TMPRSS13: variants seen among roughly 807,000 people sequenced by gnomAD.
TMPRSS13 encodes transmembrane serine protease 13, also known as transmembrane protease serine 13.
TMPRSS13 carries 50 observed loss-of-function variants against 68.4 expected under a neutral mutation model. The observed-to-expected ratio is 0.73, with a 90% CI of 0.58 to 0.93. The LOEUF (loss-of-function observed/expected upper bound fraction) is 0.93. Ranked by LOEUF, TMPRSS13 falls within the 40% of genes least tolerant of loss-of-function variation. The pLI is 0.00. For synonymous variants in TMPRSS13, 267 were observed against 285.8 expected, an observed-to-expected ratio of 0.93 and a Z score of 0.66; for missense variants, 615 against 729.2, an observed-to-expected ratio of 0.84 and a Z score of 1.80.
In TMPRSS13 at chr11:117,901,976, T is replaced by C. The variant is rs577901966; in HGVS notation, c.*263A>G. 1,360 of 562,442 alleles carry C rather than the reference T, an allele frequency of 2.4e-3. 21 individuals carry two copies. Among genetic ancestry groups the C allele is most frequent in the African/African-American group, 0.023 (1,229 of 52,612 alleles). 34.8% of individuals were successfully genotyped at this position (562,442 alleles called of 1,614,324 possible). On this transcript the variant is annotated 3_prime_UTR_variant, in exon 13 of 13. Coordinates refer to ENST00000524993, the MANE Select transcript of TMPRSS13 (RefSeq NM_001077263.3). ...TGTAGGAACATCCACGGTACTCAAC[T>C]CTTGTCTCCAGGTAATTTCCAGCCT...
intron 1 of TMPRSS13, among the ~76,000 whole-genome samples, chr11:117,921,398 C>A (rs61290389): frequency 0.024 from 3,584 of 152,310 alleles, 127 homozygotes; most frequent in African/African-American, 0.08. Context: ...CCACCTCACC[C>A]CCTGAATGAG....
intron 1 of TMPRSS13, among the ~76,000 whole-genome samples, chr11:117,925,977 C>T (rs2057701581): frequency 6.6e-6 from 1 of 152,242 alleles, no homozygotes; most frequent in Admixed American, 6.5e-5. Context: ...AAACAGAGGA[C>T]AAGGTGAGGG....
chr11:117,926,545 A>G (rs1361892694), intron 1 of TMPRSS13, among the ~76,000 whole-genome samples: 1 of 152,206 alleles, frequency 6.6e-6, no homozygotes, highest in Non-Finnish European at 1.5e-5. Flanking sequence ...CCACTCCACA[A>G]AGGAATGTTG....
chr11:117,908,416 A>G (rs1374641999), intron 9 of TMPRSS13, 196 bp downstream of exon 9: 1 of 650,528 alleles, frequency 1.5e-6, no homozygotes, highest in Admixed American at 2.9e-5. Flanking sequence ...GAGCAAACTT[A>G]TTTATAACCC....
chr11:117,904,980 ACCT>A (rs1379340894), intron 10 of TMPRSS13, among the ~76,000 whole-genome samples: 2 of 147,134 alleles, frequency 1.4e-5, no homozygotes, highest in Non-Finnish European at 3.0e-5. Context: ...TGTAGCCTCA[ACCT>A]CCCTGGGATC....
rs538220331 is a variant in TMPRSS13, at chr11:117,908,367, G to C, written c.1282+245C>G. On this transcript the variant is annotated intron_variant, in intron 9 of 12. Transcript: ENST00000524993. ...TGATTAAGATCAGTACCCAAGCCCT[G>C]ACTCCGTCATCAATTTGTAATGTGA... is the stretch of plus-strand genomic sequence containing the variant. 2.1e-5 allele frequency: 13 copies of C among 612,298 alleles called. No homozygotes were observed. The Admixed American group carries it at 3.8e-4, about 18-fold the overall frequency. The allele number at this position is 612,298 out of a possible 1,614,324, so 37.9% of individuals were successfully genotyped here.
At chr11:117,926,234 A>G (rs112480738) in intron 1 of TMPRSS13, among the ~76,000 whole-genome samples, 752 of 102,468 alleles carry the variant, frequency 7.3e-3, no homozygotes, top group African/African-American at 0.027. Flanking sequence ...ACACCTGCAG[A>G]GGCATAGGGC....
chr11:117,914,621 T>C lies in TMPRSS13; in HGVS notation c.557-107A>G, dbSNP rs770498909. Reference sequence around the variant, plus strand: ...CTGAGACACCGACCTGCAATCCCTCTTGAACTCTGGGGCTCTCATCCCCCA... The same window carrying C: ...CTGAGACACCGACCTGCAATCCCTCCTGAACTCTGGGGCTCTCATCCCCCA... On this transcript the variant is annotated intron_variant, in intron 3 of 12. Coordinates refer to ENST00000524993, the MANE Select transcript of TMPRSS13 (RefSeq NM_001077263.3). This position sits in a 1 kb window ranked among gnomAD's most constrained non-coding sequence, Gnocchi z 4.2. 1 of 1,546,596 alleles carries C rather than the reference T, an allele frequency of 6.5e-7. No homozygotes were observed. The highest frequency in any genetic ancestry group is 2.3e-5 in the East Asian group (1 of 44,314).
intron 2 of TMPRSS13, 91 bp downstream of exon 2, chr11:117,918,318 T>C: frequency 7.1e-7 from 1 of 1,398,624 alleles, no homozygotes; most frequent in Non-Finnish European, 9.8e-7. Flanking sequence ...CGTTGTCTGC[T>C]ATGAGAGCAG....
chr11:117,900,751 T>C lies in TMPRSS13; in HGVS notation c.*1488A>G, dbSNP rs1240702059. 3 of 152,276 alleles carry C rather than the reference T, an allele frequency of 2.0e-5. No homozygotes were observed. Among genetic ancestry groups the C allele is most frequent in the Non-Finnish European group, 2.9e-5 (2 of 68,118 alleles). The allele number at this position is 152,276 out of a possible 1,614,324, so 9.4% of individuals were successfully genotyped here. ...ACATTCCCCAGTGTACCCAGCCCCA[T>C]CAGCCCCTGCCCAGCCTCTCCAGCT... is the stretch of plus-strand genomic sequence containing the variant. On this transcript the variant is annotated 3_prime_UTR_variant, in exon 13 of 13. Transcript: ENST00000524993.
chr11:117,925,253 G>A (rs534333250), intron 1 of TMPRSS13, among the ~76,000 whole-genome samples: 2 of 152,300 alleles, frequency 1.3e-5, no homozygotes, highest in Non-Finnish European at 2.9e-5. Flanking sequence ...GAACAAAAGA[G>A]GCAGCTGCTA....
In TMPRSS13 at chr11:117,917,175, A is replaced by T. The variant is rs567684930; in HGVS notation, c.551T>A (p.Ile184Asn). ...GCACCCTCCATTCAACTCACAGAGG[A>T]TGATGAGCGAAACCACCAGGGCAAT... is the stretch of plus-strand genomic sequence containing the variant. Reference protein sequence around the residue: ...LLIALVVSLIILFQFWQGHTG... With the variant: ...LLIALVVSLINLFQFWQGHTG... The change falls in exon 3 of 13, where the codon ATC (isoleucine) becomes AAC (asparagine). Residue 184 changes from isoleucine to asparagine, a missense_variant. Ile to Asn is a moderately radical substitution (Grantham distance 149, BLOSUM62 -3). Transcript: ENST00000524993. 1.1e-4 allele frequency: 174 copies of T among 1,611,534 alleles called. No homozygotes were observed. In the South Asian group the frequency reaches 1.7e-3, roughly 16 times the overall value.
chr11:117,918,694 G>C lies in TMPRSS13; in HGVS notation c.166C>G (p.Pro56Ala). The C allele has an allele frequency of 1.2e-6, 2 of 1,604,584 alleles. No individual in the cohort carries two copies. The highest frequency in any genetic ancestry group is 1.7e-6 in the Non-Finnish European group (2 of 1,175,114). Residue 56 changes from proline (P) to alanine (A), a missense_variant, in exon 2 of 13, where the codon CCA (proline) becomes GCA (alanine). By Grantham distance (27) the Pro-to-Ala change is conservative (BLOSUM62 -1). Coordinates refer to ENST00000524993, the MANE Select transcript of TMPRSS13 (RefSeq NM_001077263.3). ...GTACCAGCTGGAGATGCCTGGGCTG[G>C]AGATGCCCGGCCCGGAGGTGTCCCA... is the stretch of plus-strand genomic sequence containing the variant. Reference protein sequence around the residue: ...PAGTPPGRASPAQASPAGTPP... With the variant: ...PAGTPPGRASAAQASPAGTPP...
rs753851550 is a variant in TMPRSS13, at chr11:117,908,016, T to C, written c.1282+596A>G. 725 of 993,628 alleles carry C rather than the reference T, an allele frequency of 7.3e-4. 1 individual carries two copies. Among genetic ancestry groups the C allele is most frequent in the Non-Finnish European group, 8.1e-4 (680 of 835,770 alleles). The allele number at this position is 993,628 out of a possible 1,614,324, so 61.6% of individuals were successfully genotyped here. A position where few individuals can be genotyped will look rare whatever the true frequency, so the allele number is the denominator to read the frequency against. ...CCTTTGGTCCTTAGCAACAACGTTG[T>C]AGCAATTAGTTGTTTGAATGTGTAC... On this transcript the variant is annotated intron_variant, in intron 9 of 12. Transcript: ENST00000524993.
intron 1 of TMPRSS13, among the ~76,000 whole-genome samples, chr11:117,923,719 A>G (rs1462923977): frequency 1.3e-5 from 2 of 151,990 alleles, no homozygotes; most frequent in Non-Finnish European, 2.9e-5. Context: ...TAGCATTAGG[A>G]GAAATACCTA....
rs1481110766 is a variant in TMPRSS13, at chr11:117,914,454, T to C, written c.617A>G (p.Lys206Arg). 1 of 1,613,974 alleles carries C rather than the reference T, an allele frequency of 6.2e-7. No homozygotes were observed. The highest frequency in any genetic ancestry group is 8.5e-7 in the Non-Finnish European group (1 of 1,180,022). ...RYKEQRESCP[K>R]HAVRCDGVVD... ...CACCCCGTCACAGCGAACAGCGTGC[T>C]TGGGACAGCTCTCCCTCTGCTCCTT... Residue 206 changes from lysine (K) to arginine (R), a missense_variant, in exon 4 of 13, where the codon AAG (lysine) becomes AGG (arginine). Transcript: ENST00000524993. The surrounding 1 kb of genome is among the most constrained non-coding windows in gnomAD (Gnocchi z 4.2).
intron 1 of TMPRSS13, among the ~76,000 whole-genome samples, chr11:117,925,156 T>C (rs1393796419): frequency 6.6e-6 from 1 of 152,216 alleles, no homozygotes; most frequent in Non-Finnish European, 1.5e-5. Flanking sequence ...TGGTGGGGAC[T>C]GTGGTGGGCT....
intron 6 of TMPRSS13, among the ~76,000 whole-genome samples, chr11:117,911,066 CA>C (rs1405968608): frequency 6.6e-6 from 1 of 152,214 alleles, no homozygotes; most frequent in East Asian, 1.9e-4. Context: ...CATCTTTTCA[CA>C]ACTAAACAGG....
chr11:117,928,844 G>A (rs774879460), intron 1 of TMPRSS13, among the ~76,000 whole-genome samples: 1 of 152,190 alleles, frequency 6.6e-6, no homozygotes, highest in Non-Finnish European at 1.5e-5. Context: ...TTCTGGGAAG[G>A]TTTAGGAGTG....
Sources: allele counts gnomAD v4.1 joint callset (sites outside exome capture counted in the v4.1 genomes callset), GRCh38; gene constraint gnomAD v4.1.1; non-coding constraint Gnocchi (gnomAD v3.1); transcripts MANE v1.5; gene names NCBI Gene and HGNC (gene_info 2026-07-23, HGNC 2026-07-21).